ANKS1B: variants seen among roughly 807,000 people sequenced by gnomAD.
ANKS1B encodes ankyrin repeat and sterile alpha motif domain-containing protein 1B.
A neutral mutation model predicts 148.3 loss-of-function variants in ANKS1B; 36 were observed. That is an observed-to-expected ratio of 0.24 (90% CI 0.19 to 0.32). The LOEUF (loss-of-function observed/expected upper bound fraction) is 0.32. Among genes scored for constraint, ANKS1B ranks in the 10% least tolerant of loss-of-function variants. The probability of loss-of-function intolerance (pLI) is 1.00; values close to 1 mark genes in which losing one functional copy is unlikely to be tolerated. For synonymous variants in ANKS1B, 542 were observed against 560.8 expected (o/e 0.97, Z 0.47); for missense variants, 1,157 against 1,542.6 (o/e 0.75, Z 4.19).
chr12:99,403,314 G>A (rs1380292095), intron 11 of ANKS1B, among the ~76,000 whole-genome samples: 1 of 142,288 alleles, frequency 7.0e-6, no homozygotes, highest in African/African-American at 2.7e-5. Flanking sequence ...GCATTACCAT[G>A]TCTGGCTAAT....
At chr12:98,808,955 G>A (rs2153619259) in intron 19 of ANKS1B, among the ~76,000 whole-genome samples, 1 of 152,266 alleles carries the variant, frequency 6.6e-6, no homozygotes, top group Admixed American at 6.5e-5. Context: ...GCAAAGAACT[G>A]TATCATCAGC....
At chr12:99,379,300 A>G (rs73151142) in intron 12 of ANKS1B, among the ~76,000 whole-genome samples, 19,056 of 152,202 alleles carry the variant, frequency 0.13, 1,263 homozygotes, top group African/African-American at 0.17. Flanking sequence ...TCAAAGTGCA[A>G]GCCCTGAATC....
chr12:99,941,872 T>A (rs988703518), intron 1 of ANKS1B, among the ~76,000 whole-genome samples: 2 of 152,138 alleles, frequency 1.3e-5, no homozygotes, highest in Non-Finnish European at 2.9e-5. Context: ...GGCATCACCA[T>A]GCAGAGAATG....
chr12:99,027,445 T>C (rs2099949411), intron 17 of ANKS1B, among the ~76,000 whole-genome samples: 1 of 152,210 alleles, frequency 6.6e-6, no homozygotes, highest in African/African-American at 2.4e-5. Context: ...GTTCCTTAGA[T>C]ATCAGGTACC....
chr12:98,805,949 G>C (rs2099047792), intron 20 of ANKS1B, among the ~76,000 whole-genome samples: 1 of 152,188 alleles, frequency 6.6e-6, no homozygotes, highest in South Asian at 2.1e-4. Flanking sequence ...TCGGTTCATT[G>C]CAACCTCCGC....
At chr12:99,312,374 G>A (rs2083302096) in intron 12 of ANKS1B, among the ~76,000 whole-genome samples, 1 of 152,128 alleles carries the variant, frequency 6.6e-6, no homozygotes, top group African/African-American at 2.4e-5. Flanking sequence ...GGTGAGGTGG[G>A]AACAAGAAGA....
At chr12:99,411,482 T>C (rs939498240) in intron 11 of ANKS1B, among the ~76,000 whole-genome samples, 2 of 152,214 alleles carry the variant, frequency 1.3e-5, no homozygotes, top group Non-Finnish European at 1.5e-5. Flanking sequence ...ATTCCATGTC[T>C]TCTCTATAGT....
At chr12:99,768,392 C>T (rs1161921432) in intron 8 of ANKS1B, among the ~76,000 whole-genome samples, 1 of 152,094 alleles carries the variant, frequency 6.6e-6, no homozygotes, top group Non-Finnish European at 1.5e-5. Context: ...AACTGAAAGC[C>T]TCCTTGCTAT....
chr12:98,904,047 A>G (rs555314483), intron 17 of ANKS1B, among the ~76,000 whole-genome samples: 107 of 152,128 alleles, frequency 7.0e-4, no homozygotes, highest in African/African-American at 2.4e-3. Flanking sequence ...CTCAAATTAA[A>G]AATTTGAAAA....
intron 8 of ANKS1B, among the ~76,000 whole-genome samples, chr12:99,718,565 T>A (rs556415843): frequency 6.6e-6 from 1 of 152,228 alleles, no homozygotes; most frequent in Admixed American, 6.5e-5. Flanking sequence ...TTAAAGCCTA[T>A]AAACTCTCCT....
intron 14 of ANKS1B, among the ~76,000 whole-genome samples, chr12:99,211,998 T>C (rs1345767050): frequency 6.6e-6 from 1 of 152,168 alleles, no homozygotes; most frequent in Admixed American, 6.5e-5. Context: ...GGCAATTCAA[T>C]CTGCCACAAA....
Position 99,617,862 on chromosome 12 carries a change from T to G in ANKS1B, c.1272+37205A>C, listed in dbSNP as rs2097990043. On this transcript the variant is annotated intron_variant, in intron 9 of 26. Coordinates refer to ENST00000683438, the MANE Select transcript of ANKS1B (RefSeq NM_001352186.2). ...ATATACATAAACATAGATACACACT[T>G]AATACAATCAGGTAGGCATATACTG... 2.0e-5 allele frequency among the ~76,000 whole-genome samples: 3 copies of G among 152,180 alleles called. No homozygotes were observed. The South Asian group carries it at 6.2e-4, about 32-fold the overall frequency.
intron 9 of ANKS1B, among the ~76,000 whole-genome samples, chr12:99,624,578 T>C (rs531851217): frequency 1.3e-5 from 2 of 152,082 alleles, no homozygotes; most frequent in East Asian, 3.9e-4. Context: ...CATTAAAAAG[T>C]GGGCAAAGGA....
At chr12:99,693,178 C>T (rs1000251239) in intron 8 of ANKS1B, among the ~76,000 whole-genome samples, 3 of 151,840 alleles carry the variant, frequency 2.0e-5, no homozygotes, top group African/African-American at 4.8e-5. Flanking sequence ...GAATGTATTT[C>T]AAGAAAGAGA....
chr12:99,346,195 C>T (rs2090646917), intron 12 of ANKS1B, among the ~76,000 whole-genome samples: 2 of 151,910 alleles, frequency 1.3e-5, no homozygotes, highest in Non-Finnish European at 2.9e-5. Context: ...ATATGAATTC[C>T]ATAAATTCAT....
intron 1 of ANKS1B, among the ~76,000 whole-genome samples, chr12:99,878,081 T>C (rs981140555): frequency 1.3e-5 from 2 of 151,810 alleles, no homozygotes; most frequent in Admixed American, 6.6e-5. Context: ...AACAAACAAA[T>C]AGACAACCTC....
chr12:99,225,886 C>T (rs1485248205), intron 14 of ANKS1B, among the ~76,000 whole-genome samples: 1 of 152,190 alleles, frequency 6.6e-6, no homozygotes, highest in Non-Finnish European at 1.5e-5. Context: ...TCATGTGAGT[C>T]AATATTCCTT....
At chr12:99,153,457 G>A (rs1048509771) in intron 15 of ANKS1B, among the ~76,000 whole-genome samples, 1 of 152,146 alleles carries the variant, frequency 6.6e-6, no homozygotes, top group Non-Finnish European at 1.5e-5. Context: ...GAGCTGTGAC[G>A]TAGCTTAACA....
chr12:99,353,855 T>C (rs891945913), intron 12 of ANKS1B, among the ~76,000 whole-genome samples: 1 of 152,062 alleles, frequency 6.6e-6, no homozygotes, highest in Non-Finnish European at 1.5e-5. Context: ...AGCCTGCTCT[T>C]CTTTCTATGT....
Sources: gnomAD v4.1 joint callset for allele counts (sites outside exome capture counted in the v4.1 genomes callset) on GRCh38, gnomAD v4.1.1 for gene constraint, MANE v1.5 for transcripts, NCBI Gene and HGNC (gene_info 2026-07-23, HGNC 2026-07-21) for gene names.